ETNK1: variants seen among roughly 807,000 people sequenced by gnomAD.
The protein encoded by ETNK1 is putative protein product of Nbla10396.
Under a neutral mutation model 45.1 loss-of-function variants are expected in ETNK1, and 8 were observed. The ratio of observed to expected loss-of-function variants is 0.18; its 90% CI spans 0.10 to 0.32. The LOEUF is 0.32. Ranked by LOEUF, ETNK1 falls within the 10% of genes least tolerant of loss-of-function variation. The pLI is 1.00. For missense variants in ETNK1, 302 were observed against 430.6 expected (o/e 0.70, Z 2.64); for synonymous variants, 152 against 151.9 (o/e 1.00, Z -0.01).
chr12:22,650,736 TTAAA>T (rs773768120), intron 2 of ETNK1, among the ~76,000 whole-genome samples: 11 of 151,322 alleles, frequency 7.3e-5, no homozygotes, highest in African/African-American at 1.7e-4. Flanking sequence ...AAATAATCTT[TTAAA>T]TAAATAGGAA....
chr12:22,655,113 C>G (rs1035768894), intron 2 of ETNK1, among the ~76,000 whole-genome samples: 2 of 152,118 alleles, frequency 1.3e-5, no homozygotes, highest in African/African-American at 4.8e-5. Flanking sequence ...ATTACAGGTG[C>G]CTGCCACCAC....
intron 2 of ETNK1, among the ~76,000 whole-genome samples, chr12:22,649,924 CTT>C (rs1274563968): frequency 1.3e-5 from 2 of 151,990 alleles, no homozygotes; most frequent in East Asian, 1.9e-4. Flanking sequence ...AGTATTGAGT[CTT>C]TTTATCCGTG....
At chr12:22,663,578 A>T (rs1330432049) in intron 4 of ETNK1, among the ~76,000 whole-genome samples, 1 of 152,080 alleles carries the variant, frequency 6.6e-6, no homozygotes, top group African/African-American at 2.4e-5. Flanking sequence ...TAAACTATTG[A>T]TCAGTTATGT....
chr12:22,639,792 G>A (rs907267220), intron 1 of ETNK1, among the ~76,000 whole-genome samples: 2 of 152,178 alleles, frequency 1.3e-5, no homozygotes, highest in African/African-American at 4.8e-5. Context: ...GTGAAATCAG[G>A]AGGTGACAGA....
At chr12:22,644,455 A>C (rs1049423715) in intron 2 of ETNK1, 45 of 949,194 alleles carry the variant, frequency 4.7e-5, no homozygotes, top group Non-Finnish European at 6.0e-5. Flanking sequence ...AATTTAATAT[A>C]TTATGTTTTC....
At chr12:22,644,875 A>G (rs1373585229) in intron 2 of ETNK1, among the ~76,000 whole-genome samples, 2 of 151,962 alleles carry the variant, frequency 1.3e-5, no homozygotes, top group African/African-American at 4.8e-5. Context: ...AGCTCCTGAA[A>G]GGATTTCGGA....
chr12:22,673,402 T>C (rs984842809), intron 5 of ETNK1, 98 bp from the exon 6 acceptor site: 11 of 890,564 alleles, frequency 1.2e-5, no homozygotes, highest in African/African-American at 1.7e-5. Flanking sequence ...ATGGAACTTT[T>C]CATTTTTTAT....
intron 1 of ETNK1, among the ~76,000 whole-genome samples, chr12:22,632,265 C>T (rs1199183428): frequency 6.6e-6 from 1 of 151,982 alleles, no homozygotes; most frequent in Non-Finnish European, 1.5e-5. Context: ...AGAAAAAAAT[C>T]AATTTCCTAT....
At chr12:22,645,060 C>G (rs1953790273) in intron 2 of ETNK1, among the ~76,000 whole-genome samples, 1 of 151,840 alleles carries the variant, frequency 6.6e-6, no homozygotes, top group Admixed American at 6.6e-5. Flanking sequence ...ATATTTTCTT[C>G]TTTTACATGA....
intron 4 of ETNK1, among the ~76,000 whole-genome samples, chr12:22,667,757 C>T (rs1954068271): frequency 1.3e-5 from 2 of 152,080 alleles, no homozygotes; most frequent in Admixed American, 1.3e-4. Flanking sequence ...TTATTCCTTT[C>T]TCCTAACAAC....
At chr12:22,663,234 A>G (rs1954024472) in intron 4 of ETNK1, among the ~76,000 whole-genome samples, 1 of 152,192 alleles carries the variant, frequency 6.6e-6, no homozygotes, top group African/African-American at 2.4e-5. Flanking sequence ...TTAGTTACGC[A>G]TTAAAGCAGT....
intron 4 of ETNK1, among the ~76,000 whole-genome samples, chr12:22,666,839 C>G (rs2137563946): frequency 6.6e-6 from 1 of 152,098 alleles, no homozygotes; most frequent in Admixed American, 6.5e-5. Flanking sequence ...GGGTGAGTCC[C>G]CATAGTCACT....
At chr12:22,638,460 C>A (rs1355634811) in intron 1 of ETNK1, 1 of 152,178 alleles carries the variant, frequency 6.6e-6, no homozygotes, top group Non-Finnish European at 1.5e-5. Flanking sequence ...CCATATTGAC[C>A]AGGCTGGTCT....
intron 1 of ETNK1, among the ~76,000 whole-genome samples, chr12:22,629,673 C>T (rs1039598102): frequency 1.3e-5 from 2 of 152,022 alleles, no homozygotes; most frequent in African/African-American, 2.4e-5. Flanking sequence ...TGAGTTTGTT[C>T]CTTTAAGCAG....
chr12:22,661,474 G>T (rs528255427), intron 4 of ETNK1, among the ~76,000 whole-genome samples: 2 of 152,258 alleles, frequency 1.3e-5, no homozygotes, highest in Admixed American at 1.3e-4. Flanking sequence ...ATGATGAAAT[G>T]ATTTGTTTAT....
At chr12:22,650,936 C>T (rs1168200107) in intron 2 of ETNK1, among the ~76,000 whole-genome samples, 1 of 151,742 alleles carries the variant, frequency 6.6e-6, no homozygotes, top group Non-Finnish European at 1.5e-5. Context: ...TAAAATTTAC[C>T]ATTGAAGCAG....
chr12:22,656,555 C>T, intron 2 of ETNK1: 1 of 985,352 alleles, frequency 1.0e-6, no homozygotes, highest in Non-Finnish European at 1.2e-6. Flanking sequence ...AACTACTGTG[C>T]CGAGCCCTCC....
chr12:22,667,653 T>A (rs1374442641), intron 4 of ETNK1, among the ~76,000 whole-genome samples: 1 of 152,232 alleles, frequency 6.6e-6, no homozygotes, highest in Non-Finnish European at 1.5e-5. Context: ...ACTTTTCGTA[T>A]CGTTCTCTTC....
intron 2 of ETNK1, 49 bp from the exon 3 acceptor site, chr12:22,658,965 C>T (rs1228188728): frequency 6.4e-7 from 1 of 1,572,442 alleles, no homozygotes. Context: ...GGAGACATGA[C>T]CTTTATGATA....
Sources: allele counts gnomAD v4.1 joint callset (sites outside exome capture counted in the v4.1 genomes callset), GRCh38; gene constraint gnomAD v4.1.1; transcripts MANE v1.5; gene names NCBI Gene and HGNC (gene_info 2026-07-23, HGNC 2026-07-21).